The following MRPS6 variants were observed in gnomAD, a reference collection of about 807,000 sequenced individuals.
MRPS6 encodes the protein small ribosomal subunit protein bS6m.
A neutral mutation model predicts 13.1 loss-of-function variants in MRPS6; 6 were observed. The observed-to-expected ratio is 0.46, with a 90% CI of 0.25 to 0.91. The LOEUF (loss-of-function observed/expected upper bound fraction) is 0.91. Ranked by LOEUF, MRPS6 falls within the 40% of genes least tolerant of loss-of-function variation. The pLI is 0.18. For missense variants in MRPS6, 164 were observed against 155.6 expected (o/e 1.05, Z -0.29); for synonymous variants, 61 against 56.5 (o/e 1.08, Z -0.36).
At chr21:34,090,270 T>C (rs1314859469) in intron 1 of MRPS6, among the ~76,000 whole-genome samples, 1 of 152,242 alleles carries the variant, frequency 6.6e-6, no homozygotes, top group Non-Finnish European at 1.5e-5. Flanking sequence ...ATTTTTAAAG[T>C]AAGCAGGGGT....
intron 1 of MRPS6, chr21:34,100,619 T>C (rs991001911): frequency 1.0e-6 from 1 of 1,000,162 alleles, no homozygotes; most frequent in Non-Finnish European, 1.2e-6. Flanking sequence ...CCTCAAGAAA[T>C]TAGCTGGGAC....
intron 1 of MRPS6, among the ~76,000 whole-genome samples, chr21:34,118,561 T>TTTCTTTC (rs1980010842): frequency 1.8e-5 from 2 of 110,098 alleles, no homozygotes; most frequent in Non-Finnish European, 3.4e-5. Context: ...TTCTTTCTTT[T>TTTCTTTC]TTTTTTTTTT....
intron 1 of MRPS6, chr21:34,102,260 T>A (rs1384476016): frequency 2.8e-5 from 28 of 999,834 alleles, no homozygotes; most frequent in Non-Finnish European, 3.4e-5. Flanking sequence ...ACACCATTAT[T>A]CACTTAGTAG....
chr21:34,122,300 G>C (rs1294996578), intron 1 of MRPS6: 3 of 152,152 alleles, frequency 2.0e-5, no homozygotes, highest in Non-Finnish European at 4.4e-5. Context: ...CAAGAGCCCT[G>C]GTTTGCCAAC....
intron 1 of MRPS6, chr21:34,098,818 G>A (rs962421899): frequency 5.0e-6 from 5 of 999,608 alleles, no homozygotes; most frequent in African/African-American, 3.5e-5. Flanking sequence ...CTGTGTCTTC[G>A]TATGCTCAAC....
intron 1 of MRPS6, chr21:34,105,207 A>G (rs1442702504): frequency 5.0e-6 from 5 of 1,000,148 alleles, no homozygotes; most frequent in Non-Finnish European, 6.0e-6. Flanking sequence ...TCAGAAATAG[A>G]GCAGGGATTT....
chr21:34,095,589 C>T (rs1337138771), intron 1 of MRPS6: 1 of 1,613,530 alleles, frequency 6.2e-7, no homozygotes, highest in South Asian at 1.1e-5. Flanking sequence ...AGCCTTGTCT[C>T]TGATTCTCTA....
chr21:34,120,196 A>G (rs1329892416), intron 1 of MRPS6, among the ~76,000 whole-genome samples: 1 of 152,192 alleles, frequency 6.6e-6, no homozygotes, highest in African/African-American at 2.4e-5. Flanking sequence ...GAGTGGTACC[A>G]GAGTAGTATT....
intron 1 of MRPS6, chr21:34,098,703 T>C: frequency 1.0e-6 from 1 of 999,550 alleles, no homozygotes; most frequent in South Asian, 4.7e-5. Context: ...ATTACAGGAC[T>C]GTGTAATTAT....
intron 1 of MRPS6, chr21:34,097,155 C>T (rs150843183): frequency 2.4e-5 from 38 of 1,613,900 alleles, no homozygotes; most frequent in South Asian, 6.6e-5. Flanking sequence ...TGATGGAGGT[C>T]GGTACTGGAA....
intron 1 of MRPS6, among the ~76,000 whole-genome samples, chr21:34,120,954 A>G (rs1390495744): frequency 6.6e-6 from 1 of 152,174 alleles, no homozygotes; most frequent in Admixed American, 6.5e-5. Flanking sequence ...CCTTGAGGAA[A>G]GATAGGAGTA....
chr21:34,125,354 C>G lies in MRPS6; in HGVS notation c.59C>G (p.Ala20Gly). Residue 20 changes from alanine to glycine, a missense_variant, in exon 2 of 3, where the codon GCT (alanine) becomes GGT (glycine). Physicochemically the swap from Ala to Gly is moderately conservative, Grantham distance 60. Coordinates refer to ENST00000399312, the MANE Select transcript of MRPS6 (RefSeq NM_032476.4). The part of the protein sequence containing the change: ...LKAMQRPETA[A>G]TLKRTIEALM... ...AAACAAAAACAGCCAGAGACTGCTG[C>G]TACTTTGAAACGTACGATAGAGGCC... The G allele has an allele frequency of 6.2e-7, 1 of 1,609,810 alleles. No homozygotes were observed. Among genetic ancestry groups the G allele is most frequent in the South Asian group, 1.1e-5 (1 of 89,798 alleles).
chr21:34,100,673 G>A (rs1286054943), intron 1 of MRPS6: 2 of 1,000,058 alleles, frequency 2.0e-6, no homozygotes, highest in South Asian at 4.7e-5. Context: ...TGAGTTGAGG[G>A]GGTTGTTATG....
In MRPS6 at chr21:34,097,630, C is replaced by T. The variant is rs1979029096; in HGVS notation, c.45+23885C>T. The T allele has an allele frequency of 1.4e-5, 16 of 1,169,214 alleles. No homozygotes were observed. The South Asian group carries it at 4.2e-4, about 31-fold the overall frequency. The allele number at this position is 1,169,214 out of a possible 1,614,324, so 72.4% of individuals were successfully genotyped here. On this transcript the variant is annotated intron_variant, in intron 1 of 2. Coordinates refer to ENST00000399312, the MANE Select transcript of MRPS6 (RefSeq NM_032476.4). ...AGTAAGAAGAGACCAATTATTCTCA[C>T]AGAGCACTTAGAGCAGAATATATGT...
intron 1 of MRPS6, among the ~76,000 whole-genome samples, chr21:34,092,700 T>C (rs969911784): frequency 6.6e-5 from 10 of 152,228 alleles, no homozygotes; most frequent in African/African-American, 2.4e-4. Flanking sequence ...GTTTTCTTTT[T>C]CAGCACTTTG....
intron 2 of MRPS6, among the ~76,000 whole-genome samples, chr21:34,142,199 C>T (rs1393350671): frequency 6.6e-6 from 1 of 152,066 alleles, no homozygotes; most frequent in Non-Finnish European, 1.5e-5. Context: ...ATGGGAAAGA[C>T]CATAGAAAAA....
At chr21:34,135,368 T>C (rs1023934853) in intron 2 of MRPS6, 1 of 167,958 alleles carries the variant, frequency 6.0e-6, no homozygotes, top group African/African-American at 2.4e-5. Flanking sequence ...TTTTTTTTTT[T>C]TTTTGTGGTG....
chr21:34,078,012 T>A (rs1427204566), intron 1 of MRPS6, among the ~76,000 whole-genome samples: 1 of 152,142 alleles, frequency 6.6e-6, no homozygotes, highest in Non-Finnish European at 1.5e-5. Flanking sequence ...TAAACTGAAG[T>A]ATGAGTCAGG....
chr21:34,114,871 A>G (rs1441352011), intron 1 of MRPS6, among the ~76,000 whole-genome samples: 3 of 152,184 alleles, frequency 2.0e-5, no homozygotes, highest in Non-Finnish European at 4.4e-5. Context: ...ATCTCCTATA[A>G]TTATGTCTTC....
Sources: allele counts gnomAD v4.1 joint callset (sites outside exome capture counted in the v4.1 genomes callset), GRCh38; gene constraint gnomAD v4.1.1; transcripts MANE v1.5; gene names NCBI Gene and HGNC (gene_info 2026-07-23, HGNC 2026-07-21).